The following CPNE4 variants were observed in gnomAD, a reference collection of about 807,000 sequenced individuals.
CPNE4 encodes the protein copine 4, also known as copine-4.
Under a neutral mutation model 67.9 loss-of-function variants are expected in CPNE4, and 25 were observed. The observed-to-expected ratio is 0.37, with a 90% CI of 0.27 to 0.51. The LOEUF is 0.51. Among genes scored for constraint, CPNE4 ranks in the 20% least tolerant of loss-of-function variants. The pLI is 0.93. For synonymous variants in CPNE4, 242 were observed against 244.9 expected (o/e 0.99, Z 0.11); for missense variants, 464 against 690.8 (o/e 0.67, Z 3.68).
rs575505348 is a variant in CPNE4, at chr3:132,023,479, CTTTTTTTTT to C, written c.-2+11079_-2+11087del. ...AAAGGCAATTGCAAAGCAGATCAGC[CTTTTTTTTT>C]TTTTTTTTTTTTTTTTTGAGACGGA... is the stretch of plus-strand genomic sequence containing the variant. On this transcript the variant is annotated intron_variant, in intron 1 of 15. Transcript: ENST00000429747. 1.9e-3 allele frequency among the ~76,000 whole-genome samples: 158 copies of C among 84,604 alleles called. 1 individual carries two copies. Among genetic ancestry groups the C allele is most frequent in the Admixed American group, 2.7e-3 (18 of 6,678 alleles). The allele number at this position is 84,604 out of a possible 152,430, so 55.5% of individuals were successfully genotyped here. A position where few individuals can be genotyped will look rare whatever the true frequency, so the allele number is the denominator to read the frequency against.
chr3:132,003,924 A>G (rs1038189138), intron 1 of CPNE4, among the ~76,000 whole-genome samples: 6 of 152,102 alleles, frequency 3.9e-5, no homozygotes, highest in African/African-American at 1.4e-4. Flanking sequence ...CATTCATCAG[A>G]AGATGCCCCC....
At chr3:131,762,992 G>A (rs144153794) in intron 2 of CPNE4, among the ~76,000 whole-genome samples, 5 of 151,316 alleles carry the variant, frequency 3.3e-5, no homozygotes, top group Non-Finnish European at 7.4e-5. Context: ...AGGCAGGAAA[G>A]AATACATATA....
chr3:131,796,967 G>A (rs1416721922), intron 2 of CPNE4, among the ~76,000 whole-genome samples: 1 of 152,132 alleles, frequency 6.6e-6, no homozygotes, highest in Non-Finnish European at 1.5e-5. Context: ...CTCTTTCTTT[G>A]GAAAGGGCAG....
intron 2 of CPNE4, among the ~76,000 whole-genome samples, chr3:131,778,505 A>G (rs1392376372): frequency 1.3e-5 from 2 of 152,234 alleles, no homozygotes; most frequent in East Asian, 3.9e-4. Context: ...CACAGGAAAC[A>G]CATGTAAAAT....
intron 2 of CPNE4, among the ~76,000 whole-genome samples, chr3:131,773,632 GCCAC>G (rs756083440): frequency 6.8e-4 from 104 of 152,112 alleles, no homozygotes; most frequent in Non-Finnish European, 1.2e-3. Flanking sequence ...ACAAGCGTGA[GCCAC>G]TGCTCCTGGC....
chr3:131,858,150 C>G (rs1225310886), intron 2 of CPNE4, among the ~76,000 whole-genome samples: 1 of 152,012 alleles, frequency 6.6e-6, no homozygotes, highest in African/African-American at 2.4e-5. Flanking sequence ...AGAATTAAAG[C>G]TTTGACCATG....
intron 1 of CPNE4, among the ~76,000 whole-genome samples, chr3:131,967,106 G>T (rs563766023): frequency 2.0e-5 from 3 of 152,210 alleles, no homozygotes; most frequent in Non-Finnish European, 4.4e-5. Flanking sequence ...CACATAAATA[G>T]AACCAATGAC....
At position 131,853,755 on chromosome 3, in the gene CPNE4, AAAG is replaced by A. The variant is rs541810816; in HGVS notation, c.180+51506_180+51508del. Among the ~76,000 whole-genome samples the A allele has an allele frequency of 8.5e-3, 1,295 of 152,014 alleles. 13 individuals carry two copies. The highest frequency in any genetic ancestry group is 0.029 in the African/African-American group (1,199 of 41,538). On this transcript the variant is annotated intron_variant, in intron 2 of 15. Transcript: ENST00000429747. ...TGAAGATGTGAACAGATGCTTCATA[AAAG>A]AAGATGTATAGTAACCGATAAGTAC...
chr3:131,928,109 T>A (rs1356147705), intron 1 of CPNE4, among the ~76,000 whole-genome samples: 1 of 152,180 alleles, frequency 6.6e-6, no homozygotes, highest in East Asian at 1.9e-4. Context: ...TCTAGGTTTT[T>A]AATGAACATG....
At chr3:131,842,400 G>A (rs1486636946) in intron 2 of CPNE4, among the ~76,000 whole-genome samples, 2 of 152,100 alleles carry the variant, frequency 1.3e-5, no homozygotes, top group Admixed American at 6.5e-5. Flanking sequence ...CTTCAGAGGT[G>A]GCCAGCAGGG....
chr3:131,940,906 G>A (rs2071366796), intron 1 of CPNE4, among the ~76,000 whole-genome samples: 1 of 152,028 alleles, frequency 6.6e-6, no homozygotes, highest in Non-Finnish European at 1.5e-5. Context: ...ATTCAAAACA[G>A]TGCATGAAGC....
chr3:131,720,163 C>T (rs533288787), intron 3 of CPNE4, among the ~76,000 whole-genome samples: 16 of 152,224 alleles, frequency 1.1e-4, no homozygotes, highest in African/African-American at 3.6e-4. Flanking sequence ...CTTTGACCAC[C>T]GGCATCTGTA....
chr3:131,919,017 T>A (rs759620385), intron 1 of CPNE4, among the ~76,000 whole-genome samples: 11 of 152,058 alleles, frequency 7.2e-5, no homozygotes, highest in Non-Finnish European at 7.4e-5. Flanking sequence ...GTGTAGGAGG[T>A]GCTGTCTTTC....
chr3:132,014,705 T>A (rs2073851953), intron 1 of CPNE4, among the ~76,000 whole-genome samples: 1 of 152,178 alleles, frequency 6.6e-6, no homozygotes, highest in East Asian at 1.9e-4. Context: ...AGGGTTATAT[T>A]TCTATTGTCT....
intron 3 of CPNE4, among the ~76,000 whole-genome samples, chr3:131,719,231 T>C (rs1407686093): frequency 6.6e-6 from 1 of 152,182 alleles, no homozygotes; most frequent in Non-Finnish European, 1.5e-5. Context: ...CTTCCCTAGG[T>C]CATGACAGAA....
At chr3:131,705,025 T>TTCTC (rs1466191792) in intron 3 of CPNE4, among the ~76,000 whole-genome samples, 1 of 151,578 alleles carries the variant, frequency 6.6e-6, no homozygotes, top group South Asian at 2.1e-4. Context: ...CTCACACACA[T>TTCTC]TCTCTCTCCC....
chr3:131,877,738 G>C (rs2087515446), intron 2 of CPNE4, among the ~76,000 whole-genome samples: 3 of 152,288 alleles, frequency 2.0e-5, no homozygotes, highest in South Asian at 4.1e-4. Context: ...GGAGTAAATT[G>C]AAAACAGGTT....
At chr3:131,677,093 T>A (rs1276251797) in intron 6 of CPNE4, among the ~76,000 whole-genome samples, 1 of 152,066 alleles carries the variant, frequency 6.6e-6, no homozygotes, top group Non-Finnish European at 1.5e-5. Context: ...TGAGATGGTA[T>A]CTCATTGTGG....
chr3:131,537,034 T>G (rs1935186618), intron 15 of CPNE4, among the ~76,000 whole-genome samples: 1 of 152,134 alleles, frequency 6.6e-6, no homozygotes, highest in Non-Finnish European at 1.5e-5. Flanking sequence ...TTTTCCCTTG[T>G]GAAAAGTCTT....
Sources: allele counts gnomAD v4.1 joint callset (sites outside exome capture counted in the v4.1 genomes callset), GRCh38; gene constraint gnomAD v4.1.1; transcripts MANE v1.5; gene names NCBI Gene and HGNC (gene_info 2026-07-23, HGNC 2026-07-21).